The following RASIP1 variants were observed in gnomAD, a reference collection of about 807,000 sequenced individuals.
RASIP1 encodes the protein Ras interacting protein 1, also known as ras-interacting protein 1.
A neutral mutation model predicts 85.3 loss-of-function variants in RASIP1; 20 were observed. The observed-to-expected ratio is 0.23, with a 90% CI of 0.17 to 0.34. The LOEUF (loss-of-function observed/expected upper bound fraction) is 0.34. Among genes scored for constraint, RASIP1 ranks in the 10% least tolerant of loss-of-function variants. The pLI is 1.00. For synonymous variants in RASIP1, 617 were observed against 647.1 expected, an observed-to-expected ratio of 0.95 and a Z score of 0.71; for missense variants, 1,170 against 1,390.9, an observed-to-expected ratio of 0.84 and a Z score of 2.53.
chr19:48,724,652 T>G lies in RASIP1; in HGVS notation c.2371+65A>C. On this transcript the variant is annotated intron_variant, in intron 9 of 11. Coordinates refer to ENST00000222145, the MANE Select transcript of RASIP1 (RefSeq NM_017805.3). The surrounding 1 kb of genome is among the most constrained non-coding windows in gnomAD (Gnocchi z 4.6). ...GTGAGGCTTGAGCCCGTGGTGTGTC[T>G]AATATGACCTGAGTCTCAGTGGCTC... The G allele has an allele frequency of 6.2e-7, 1 of 1,600,450 alleles. No individual in the cohort carries two copies. The highest frequency in any genetic ancestry group is 1.1e-5 in the South Asian group (1 of 88,530).
intron 8 of RASIP1, among the ~76,000 whole-genome samples, chr19:48,726,539 A>G (rs532718894): frequency 2.0e-5 from 3 of 152,300 alleles, no homozygotes; most frequent in African/African-American, 7.2e-5. Context: ...TGATGATTAC[A>G]AAGGAAAAGA....
rs1365536385 is a variant in RASIP1, at chr19:48,724,195, G to A, written c.2544+142C>T. ...TGCTGGCTTCCTTCTACCTGCCAATGTGTTACCCACAGTGTCTGAGCTGGG... is the reference window on the plus strand; with the variant it reads ...TGCTGGCTTCCTTCTACCTGCCAATATGTTACCCACAGTGTCTGAGCTGGG... On this transcript the variant is annotated intron_variant, in intron 10 of 11. Coordinates refer to ENST00000222145, the MANE Select transcript of RASIP1 (RefSeq NM_017805.3). This position sits in a 1 kb window ranked among gnomAD's most constrained non-coding sequence, Gnocchi z 4.6. 1 of 806,164 alleles carries A rather than the reference G, an allele frequency of 1.2e-6. No individual in the cohort carries two copies. Among genetic ancestry groups the A allele is most frequent in the Non-Finnish European group, 1.9e-6 (1 of 517,580 alleles). The allele number at this position is 806,164 out of a possible 1,614,324, so 49.9% of individuals were successfully genotyped here. A position where few individuals can be genotyped will look rare whatever the true frequency, so the allele number is the denominator to read the frequency against.
At position 48,740,038 on chromosome 19, in the gene RASIP1, A is replaced by G. The variant is rs985518048; in HGVS notation, c.137+108T>C. 3 of 1,396,104 alleles carry G rather than the reference A, an allele frequency of 2.1e-6. No homozygotes were observed. The African/African-American group carries it at 4.5e-5, about 21-fold the overall frequency. The allele number at this position is 1,396,104 out of a possible 1,614,324, so 86.5% of individuals were successfully genotyped here. On this transcript the variant is annotated intron_variant, in intron 2 of 11. Transcript: ENST00000222145. This position sits in a 1 kb window ranked among gnomAD's most constrained non-coding sequence, Gnocchi z 5.5. ...CCCCTGCCCACCAGCTCGTTTGCCC[A>G]ATTCAGGATGAGGACCGGAGCCAAC...
rs1178976192 is a variant in RASIP1 at position 48,739,793 on chromosome 19, T to A, written c.138-148A>T. 5.5e-6 allele frequency: 1 copy of A among 181,640 alleles called. No homozygotes were observed. Among genetic ancestry groups the A allele is most frequent in the East Asian group, 1.7e-4 (1 of 5,832 alleles). 11.3% of individuals were successfully genotyped at this position (181,640 alleles called of 1,614,324 possible). On this transcript the variant is annotated intron_variant, in intron 2 of 11. Transcript: ENST00000222145. The surrounding 1 kb of genome is among the most constrained non-coding windows in gnomAD (Gnocchi z 9.2). ...TGGATGGACGGGGCGGGGGTGAGGG[T>A]GGGGACAGACGCGAGGCAAAGAGAG... is the stretch of plus-strand genomic sequence containing the variant.
rs1477098728 is a variant in RASIP1 at position 48,721,888 on chromosome 19, G to T, written c.2658C>A (p.Asp886Glu). Residue 886 changes from aspartate (D) to glutamate (E), a missense_variant, in exon 11 of 12, where the codon GAC becomes GAA. Asp to Glu is a conservative substitution (Grantham distance 45, BLOSUM62 2). Coordinates refer to ENST00000222145, the MANE Select transcript of RASIP1 (RefSeq NM_017805.3). ...GPGRGPPAAW[D>E]PPPAEREAVD... ...CAGCCTCCCGCTCTGCAGGGGGAGG[G>T]TCCCACGCGGCTGGCGGCCCGCGGC... 6.2e-7 allele frequency: 1 copy of T among 1,606,912 alleles called. No individual in the cohort carries two copies. Among genetic ancestry groups the T allele is most frequent in the South Asian group, 1.1e-5 (1 of 90,520 alleles).
chr19:48,728,639 C>T (rs2033385598), intron 5 of RASIP1, among the ~76,000 whole-genome samples: 1 of 152,184 alleles, frequency 6.6e-6, no homozygotes, highest in East Asian at 1.9e-4. Context: ...TGGCAGGCGC[C>T]TGCAATCCCA....
chr19:48,721,207 G>A (rs1034629155), intron 11 of RASIP1, among the ~76,000 whole-genome samples: 1 of 152,160 alleles, frequency 6.6e-6, no homozygotes, highest in Non-Finnish European at 1.5e-5. Context: ...CGTTGCCTGG[G>A]AAACGGCTTC....
chr19:48,729,422 C>T lies in RASIP1; in HGVS notation c.1348G>A (p.Val450Met). The T allele has an allele frequency of 1.9e-6, 3 of 1,559,674 alleles. No homozygotes were observed. Among genetic ancestry groups the T allele is most frequent in the Non-Finnish European group, 2.6e-6 (3 of 1,152,474 alleles). Residue 450 changes from valine (V) to methionine (M), a missense_variant, in exon 5 of 12, where the codon GTG becomes ATG. This residue lies in a region of RASIP1 where 301 missense variants were observed against 294.8 expected (regional missense o/e 1.02). Coordinates refer to ENST00000222145, the MANE Select transcript of RASIP1 (RefSeq NM_017805.3). ...ACTGGGGCGCCCCGGGACGGGCGCA[C>T]CATGGCCGGGTGCTCAGGGCCCGCG... ...VRAGPEHPAM[V>M]RPSRGAPVTH...
intron 11 of RASIP1, among the ~76,000 whole-genome samples, chr19:48,721,620 G>A (rs1311911323): frequency 1.3e-5 from 2 of 152,174 alleles, no homozygotes; most frequent in African/African-American, 4.8e-5. Context: ...GGCCAACACG[G>A]TGAAACCCCC....
At position 48,724,575 on chromosome 19, in the gene RASIP1, C is replaced by A; in HGVS notation, c.2372-66G>T. 2 of 1,577,866 alleles carry A rather than the reference C, an allele frequency of 1.3e-6. No individual in the cohort carries two copies. The highest frequency in any genetic ancestry group is 1.2e-5 in the South Asian group (1 of 86,250). ...ACTCTGTGCTCCTGCCTCCCAGACT[C>A]TTCCTATCCTTCAGCCTGGGATCTG... On this transcript the variant is annotated intron_variant, in intron 9 of 11. Coordinates refer to ENST00000222145, the MANE Select transcript of RASIP1 (RefSeq NM_017805.3). This position sits in a 1 kb window ranked among gnomAD's most constrained non-coding sequence, Gnocchi z 4.6.
chr19:48,726,945 G>C, intron 7 of RASIP1, 57 bp from the exon 8 acceptor site: 2 of 1,610,128 alleles, frequency 1.2e-6, no homozygotes, highest in South Asian at 2.2e-5. Context: ...CAGGAGCCCA[G>C]GTCCCCAGGT....
intron 10 of RASIP1, among the ~76,000 whole-genome samples, chr19:48,723,847 G>A (rs917812559): frequency 3.6e-5 from 5 of 140,100 alleles, no homozygotes; most frequent in African/African-American, 7.9e-5. Flanking sequence ...TCGCTCTGTC[G>A]CCCCGGCTGG....
At chr19:48,732,499 C>A (rs1046367701) in intron 4 of RASIP1, among the ~76,000 whole-genome samples, 2 of 152,062 alleles carry the variant, frequency 1.3e-5, no homozygotes, top group Non-Finnish European at 2.9e-5. Context: ...CGTGATCCGC[C>A]TGCCTCAGCC....
In RASIP1 at chr19:48,724,773, A is replaced by G. The variant is rs776430624; in HGVS notation, c.2315T>C (p.Phe772Ser). The G allele has an allele frequency of 3.1e-6, 5 of 1,614,214 alleles. No individual in the cohort carries two copies. The highest frequency in any genetic ancestry group is 4.2e-6 in the Non-Finnish European group (5 of 1,180,046). Residue 772 changes from phenylalanine (F) to serine (S), a missense_variant, in exon 9 of 12, where the codon TTT becomes TCT. This residue lies in a region of RASIP1 where 426 missense variants were observed against 576.2 expected (regional missense o/e 0.74). Transcript: ENST00000222145. This position sits in a 1 kb window ranked among gnomAD's most constrained non-coding sequence, Gnocchi z 4.6. ...ELHPDLVSQTFGYLFFFSNAS... is the reference protein window; with the variant it reads ...ELHPDLVSQTSGYLFFFSNAS... The stretch of plus-strand genomic sequence containing the variant: ...GTTGGAGAAGAAGAACAAGTAGCCA[A>G]AAGTCTGAGACACGAGGTCAGGGTG...
At chr19:48,737,378 C>A (rs1179702644) in intron 3 of RASIP1, 5 of 795,584 alleles carry the variant, frequency 6.3e-6, no homozygotes. Flanking sequence ...CCTGAGCAGA[C>A]CCGTGCTTTC....
intron 4 of RASIP1, among the ~76,000 whole-genome samples, chr19:48,730,871 G>T (rs940890300): frequency 3.9e-5 from 6 of 152,132 alleles, no homozygotes; most frequent in Non-Finnish European, 7.3e-5. Context: ...ACAAAAATTA[G>T]CCAGGCATGG....
At chr19:48,735,074 C>A (rs778347439) in intron 4 of RASIP1, 122 bp downstream of exon 4, 2 of 883,892 alleles carry the variant, frequency 2.3e-6, no homozygotes, top group East Asian at 2.7e-5. Flanking sequence ...TGAGGGACCA[C>A]GCCCCACTAG....
Position 48,727,185 on chromosome 19 carries a change from T to C in RASIP1, c.1872-27A>G, listed in dbSNP as rs752745977. 5 of 1,612,370 alleles carry C rather than the reference T, an allele frequency of 3.1e-6. No homozygotes were observed. In the African/African-American group the frequency reaches 5.3e-5, roughly 17 times the overall value. ...TTGAAAAAGAGGAAGGAATTTGTGA[T>C]CCCTGCCCAACCCTCATCATAGTTT... On this transcript the variant is annotated intron_variant, in intron 6 of 11. Coordinates refer to ENST00000222145, the MANE Select transcript of RASIP1 (RefSeq NM_017805.3).
chr19:48,724,394 G>A lies in RASIP1; in HGVS notation c.2487C>T (p.Phe829=). 1 of 1,614,214 alleles carries A rather than the reference G, an allele frequency of 6.2e-7. No homozygotes were observed. Among genetic ancestry groups the A allele is most frequent in the Non-Finnish European group, 8.5e-7 (1 of 1,180,042 alleles). ...AGLGDIATEF[F]RKLSMAVNLL... ...GGTTCACAGCCATGGAGAGTTTCCG[G>A]AAGAACTCAGTGGCAATGTCGCCCA... Residue 829 remains phenylalanine, a synonymous_variant, in exon 10 of 12, where the codon TTC becomes TTT. Transcript: ENST00000222145. The surrounding 1 kb of genome is among the most constrained non-coding windows in gnomAD (Gnocchi z 4.6).
Sources: gnomAD v4.1 joint callset for allele counts (sites outside exome capture counted in the v4.1 genomes callset) on GRCh38, gnomAD v4.1.1 for gene constraint, gnomAD v4.1.1 regional missense constraint, Gnocchi (gnomAD v3.1) non-coding constraint, MANE v1.5 for transcripts, NCBI Gene and HGNC (gene_info 2026-07-23, HGNC 2026-07-21) for gene names.